The following STK3 variants were observed in gnomAD, a reference collection of about 807,000 sequenced individuals.
STK3 encodes the protein serine/threonine-protein kinase 3.
Under a neutral mutation model 58.0 loss-of-function variants are expected in STK3, and 41 were observed. That is an observed-to-expected ratio of 0.71 (90% confidence interval 0.55 to 0.92). The LOEUF (loss-of-function observed/expected upper bound fraction) is 0.92, where lower values mean the gene tolerates loss of function less well. Among genes scored for constraint, STK3 ranks in the 40% least tolerant of loss-of-function variants. The probability of loss-of-function intolerance (pLI) is 0.00; values close to 1 mark genes in which losing one functional copy is unlikely to be tolerated. For synonymous variants in STK3, 170 were observed against 191.0 expected, an observed-to-expected ratio of 0.89 and a Z score of 0.91; for missense variants, 479 against 602.7, an observed-to-expected ratio of 0.79 and a Z score of 2.15.
intron 1 of STK3, among the ~76,000 whole-genome samples, chr8:98,785,364 G>A (rs1832393919): frequency 2.6e-5 from 4 of 152,156 alleles, no homozygotes. Context: ...TCAGGATTAG[G>A]AGTTTAAGCT....
At chr8:98,853,507 G>A (rs1836555143) in intron 3 of STK3, among the ~76,000 whole-genome samples, 1 of 151,952 alleles carries the variant, frequency 6.6e-6, no homozygotes, top group African/African-American at 2.4e-5. Context: ...TTTCCCTCTG[G>A]GTCTAGTTTC....
At chr8:98,591,464 A>G (rs929696310) in intron 7 of STK3, among the ~76,000 whole-genome samples, 1 of 152,242 alleles carries the variant, frequency 6.6e-6, no homozygotes, top group African/African-American at 2.4e-5. Context: ...ACCTAACTCC[A>G]TTGTAAGTTA....
Position 98,706,562 on chromosome 8 carries a change from C to T in STK3, c.589G>A (p.Gly197Ser), listed in dbSNP as rs960039884. 6.2e-7 allele frequency: 1 copy of T among 1,613,778 alleles called. No individual in the cohort carries two copies. Residue 197 changes from glycine (G) to serine (S), a missense_variant, in exon 6 of 11, where the codon GGC becomes AGC. Coordinates refer to ENST00000419617, the MANE Select transcript of STK3 (RefSeq NM_006281.4). ...CAGATGTCGGCCACACAGTTATAGC[C>T]TATTTCTTGAATCACCTCAGGAGCC... ...WMAPEVIQEI[G>S]YNCVADIWSL...
intron 8 of STK3, among the ~76,000 whole-genome samples, chr8:98,570,328 A>G (rs1208392347): frequency 2.0e-5 from 3 of 151,106 alleles, no homozygotes; most frequent in African/African-American, 7.3e-5. Context: ...TTTTGTAGAG[A>G]CAGGGTTTCA....
At chr8:98,709,256 G>C (rs1161709112) in intron 4 of STK3, among the ~76,000 whole-genome samples, 1 of 151,992 alleles carries the variant, frequency 6.6e-6, no homozygotes, top group Non-Finnish European at 1.5e-5. Flanking sequence ...CGACTGAGAA[G>C]CTACTTTAGA....
chr8:98,508,347 T>C (rs1415252661), intron 10 of STK3, among the ~76,000 whole-genome samples: 4 of 152,154 alleles, frequency 2.6e-5, no homozygotes, highest in African/African-American at 7.2e-5. Context: ...ACCTATCTAC[T>C]AGAAAGGTAG....
rs568071234 is a variant in STK3 at position 98,541,270 on chromosome 8, C to T, written c.1141+6699G>A. ...GGACTGGTGGGAGATGATTGGATCACGGGGGTAGTTTCTAACGGTTTAGCA... is the reference window on the plus strand; with the variant it reads ...GGACTGGTGGGAGATGATTGGATCATGGGGGTAGTTTCTAACGGTTTAGCA... On this transcript the variant is annotated intron_variant, in intron 9 of 10. Coordinates refer to ENST00000419617, the MANE Select transcript of STK3 (RefSeq NM_006281.4). 4.6e-5 allele frequency among the ~76,000 whole-genome samples: 7 copies of T among 152,208 alleles called. No individual in the cohort carries two copies. In the East Asian group the frequency reaches 7.7e-4, roughly 17 times the overall value.
At chr8:98,905,529 G>T in intron 1 of STK3, 5 of 1,075,118 alleles carry the variant, frequency 4.7e-6, no homozygotes, top group South Asian at 1.2e-5. Context: ...GGTATCCTCA[G>T]CCGCCGTCTT....
intron 6 of STK3, among the ~76,000 whole-genome samples, chr8:98,647,901 A>G (rs746286637): frequency 2.0e-5 from 3 of 152,194 alleles, no homozygotes; most frequent in Non-Finnish European, 4.4e-5. Context: ...ACTCTAGACC[A>G]TTAATGTGTC....
intron 6 of STK3, among the ~76,000 whole-genome samples, chr8:98,653,407 A>C (rs1414645142): frequency 1.3e-5 from 2 of 152,218 alleles, no homozygotes; most frequent in Non-Finnish European, 2.9e-5. Context: ...ACACCCTAAT[A>C]TCACAATTAA....
At chr8:98,467,954 ATT>A (rs546200939) in intron 10 of STK3, among the ~76,000 whole-genome samples, 1 of 152,228 alleles carries the variant, frequency 6.6e-6, no homozygotes, top group Non-Finnish European at 1.5e-5. Flanking sequence ...AAATGTAAAT[ATT>A]TGTTTCTTGA....
At chr8:98,456,111 CA>C (rs1390846256) in intron 10 of STK3, 111 bp from the exon 11 acceptor site, 2 of 1,103,232 alleles carry the variant, frequency 1.8e-6, no homozygotes, top group Non-Finnish European at 2.5e-6. Flanking sequence ...AATATTTCAG[CA>C]AATTCTTTAC....
intron 10 of STK3, among the ~76,000 whole-genome samples, chr8:98,473,555 G>A (rs1008475471): frequency 2.0e-5 from 3 of 152,024 alleles, no homozygotes; most frequent in Non-Finnish European, 4.4e-5. Context: ...TTTTAAATTG[G>A]CAATCAAACT....
At chr8:98,627,678 G>A (rs1047249083) in intron 6 of STK3, among the ~76,000 whole-genome samples, 1 of 152,002 alleles carries the variant, frequency 6.6e-6, no homozygotes, top group African/African-American at 2.4e-5. Flanking sequence ...CTGTAGAACT[G>A]TAGGCCAATT....
At chr8:98,657,810 C>A (rs149242947) in intron 6 of STK3, among the ~76,000 whole-genome samples, 1 of 152,060 alleles carries the variant, frequency 6.6e-6, no homozygotes, top group African/African-American at 2.4e-5. Context: ...AACACAGACA[C>A]ATTCTCAATA....
At chr8:98,466,612 G>A (rs1208366519) in intron 10 of STK3, among the ~76,000 whole-genome samples, 1 of 152,160 alleles carries the variant, frequency 6.6e-6, no homozygotes, top group African/African-American at 2.4e-5. Flanking sequence ...GCAGGAAGGA[G>A]ACCGGATGTT....
intron 9 of STK3, among the ~76,000 whole-genome samples, chr8:98,540,764 C>A (rs956373647): frequency 6.6e-6 from 1 of 151,082 alleles, no homozygotes; most frequent in Non-Finnish European, 1.5e-5. Flanking sequence ...AACTAGAGTT[C>A]TGGGTAAGTG....
intron 10 of STK3, among the ~76,000 whole-genome samples, chr8:98,481,125 T>C (rs1821817200): frequency 6.6e-6 from 1 of 152,058 alleles, no homozygotes; most frequent in African/African-American, 2.4e-5. Context: ...GTCACATGAT[T>C]CTGGTATATT....
At chr8:98,848,500 C>A (rs1471663071) in intron 3 of STK3, among the ~76,000 whole-genome samples, 1 of 152,174 alleles carries the variant, frequency 6.6e-6, no homozygotes, top group South Asian at 2.1e-4. Flanking sequence ...CCGCCTGCCT[C>A]GGCCTTTCAA....
Sources: allele counts gnomAD v4.1 joint callset (sites outside exome capture counted in the v4.1 genomes callset), GRCh38; gene constraint gnomAD v4.1.1; transcripts MANE v1.5; gene names NCBI Gene and HGNC (gene_info 2026-07-23, HGNC 2026-07-21).